Variants in SFI1 observed in about 807,000 individuals in gnomAD.
SFI1 encodes protein SFI1 homolog.
A neutral mutation model predicts 207.5 loss-of-function variants in SFI1; 195 were observed. The ratio of observed to expected loss-of-function variants is 0.94; its 90% confidence interval spans 0.84 to 1.06. The LOEUF is 1.06. Among genes scored for constraint, SFI1 ranks in the 50% least tolerant of loss-of-function variants. SFI1 has a pLI of 0.00. For synonymous variants in SFI1, 630 were observed against 598.9 expected (o/e 1.05, Z -0.76); for missense variants, 1,634 against 1,588.0 (o/e 1.03, Z -0.49).
intron 3 of SFI1, among the ~76,000 whole-genome samples, chr22:31,529,947 G>C (rs1335615747): frequency 6.6e-6 from 1 of 151,754 alleles, no homozygotes; most frequent in East Asian, 1.9e-4. Flanking sequence ...GAGGCGGGTG[G>C]ATCACGAGGT....
chr22:31,506,148 A>G (rs1243577703), intron 1 of SFI1, among the ~76,000 whole-genome samples: 1 of 149,404 alleles, frequency 6.7e-6, no homozygotes, highest in African/African-American at 2.5e-5. Flanking sequence ...CACGGGTTCA[A>G]GTGATTCTTC....
intron 12 of SFI1, among the ~76,000 whole-genome samples, chr22:31,581,483 T>C (rs986581399): frequency 1.3e-5 from 2 of 151,272 alleles, no homozygotes; most frequent in Non-Finnish European, 2.9e-5. Context: ...TAGAGACGGG[T>C]TTTTCCCCAT....
chr22:31,580,096 A>T (rs544582731), intron 11 of SFI1, 176 bp from the exon 12 acceptor site: 110 of 570,854 alleles, frequency 1.9e-4, no homozygotes, highest in African/African-American at 1.9e-3. Context: ...GGCTTGTGTT[A>T]GGCTCCCAGT....
rs745385996 is a variant in SFI1, at chr22:31,611,140, T to C, written c.2255-3T>C. On this transcript the variant is annotated splice_polypyrimidine_tract_variant and splice_region_variant and intron_variant, in intron 22 of 32. Coordinates refer to ENST00000400288, the MANE Select transcript of SFI1 (RefSeq NM_001007467.3). ...AGCAAACTCTGACTTGGATCTGCCT[T>C]AGGCTGTCTGCGGACCTGGTTTCAG... 5 of 1,614,188 alleles carry C rather than the reference T, an allele frequency of 3.1e-6. No individual in the cohort carries two copies. The South Asian group carries it at 4.4e-5, about 14-fold the overall frequency.
chr22:31,616,537 GACTTTC>G, intron 29 of SFI1: 1 of 476,682 alleles, frequency 2.1e-6, no homozygotes, highest in African/African-American at 2.0e-5. Flanking sequence ...TTGCTTGCGG[GACTTTC>G]CCCTACAGTA....
intron 15 of SFI1, among the ~76,000 whole-genome samples, chr22:31,593,298 C>A (rs1348342394): frequency 7.2e-6 from 1 of 139,198 alleles, no homozygotes; most frequent in South Asian, 2.4e-4. Flanking sequence ...CGGGCAGAGA[C>A]GCTCCTCACC....
At chr22:31,587,352 A>C (rs1178163539) in intron 14 of SFI1, 5 of 376,418 alleles carry the variant, frequency 1.3e-5, no homozygotes, top group South Asian at 1.0e-4. Flanking sequence ...CCCAGGCTGG[A>C]GTACAGTGGC....
chr22:31,604,309 T>C lies in SFI1; in HGVS notation c.1882T>C (p.Cys628Arg), dbSNP rs1300519430. 3.2e-6 allele frequency: 5 copies of C among 1,570,674 alleles called. No individual in the cohort carries two copies. Among genetic ancestry groups the C allele is most frequent in the Non-Finnish European group, 4.3e-6 (5 of 1,159,716 alleles). ...LRWAWSQWRE[C>R]LALRGAERQK... ...TAGCTGCTTTCTCCTCTGTCTGCAG[T>C]GCCTGGCCCTGCGGGGAGCGGAGCG... The change falls in exon 19 of 33, where the codon TGC (cysteine) becomes CGC (arginine). Residue 628 changes from cysteine (C) to arginine (R), a missense_variant and splice_region_variant. Transcript: ENST00000400288.
chr22:31,618,346 G>A lies in SFI1; in HGVS notation c.3657G>A (p.Glu1219=), dbSNP rs2072198968. 1.6e-5 allele frequency: 26 copies of A among 1,609,634 alleles called. No homozygotes were observed. Among genetic ancestry groups the A allele is most frequent in the Non-Finnish European group, 2.1e-5 (25 of 1,177,360 alleles). The change falls in exon 33 of 33, where the codon GAG becomes GAA. Residue 1219 remains glutamate (E), a synonymous_variant. Coordinates refer to ENST00000400288, the MANE Select transcript of SFI1 (RefSeq NM_001007467.3). ...VEMQIQLLAE[E]LQAQRQPIGA... is the part of the protein sequence containing the mutation. ...TGCAGATCCAGCTGCTGGCAGAGGA[G>A]CTCCAGGCTCAGCGCCAGCCCATTG...
At chr22:31,578,086 T>C (rs147057137) in intron 10 of SFI1, 102 of 222,218 alleles carry the variant, frequency 4.6e-4, no homozygotes, top group Non-Finnish European at 4.6e-4. Flanking sequence ...GCTTTAGATA[T>C]GGTGATTTCT....
At position 31,613,123 on chromosome 22, in the gene SFI1, C is replaced by T; in HGVS notation, c.2491-19C>T. 6.2e-7 allele frequency: 1 copy of T among 1,612,040 alleles called. No individual in the cohort carries two copies. ...CTTGAAGGGGCTATAGGGAAATGAT[C>T]TGGTCTTTCTGGCCCTAGCTGGCAG... On this transcript the variant is annotated intron_variant, in intron 24 of 32. Coordinates refer to ENST00000400288, the MANE Select transcript of SFI1 (RefSeq NM_001007467.3).
chr22:31,511,220 C>G (rs918641234), intron 2 of SFI1, among the ~76,000 whole-genome samples: 12 of 151,926 alleles, frequency 7.9e-5, no homozygotes, highest in Non-Finnish European at 1.3e-4. Context: ...TCAGTTTTTT[C>G]CCCCAGTGTA....
At position 31,498,645 on chromosome 22, in the gene SFI1, C is replaced by T. The variant is rs764347603; in HGVS notation, c.-31+2008C>T. ...CAGCCTGGGCGACAGAGCAAGACTC[C>T]GTCTAAAAAAAAAAAAAATCATTAA... On this transcript the variant is annotated intron_variant, in intron 1 of 32. Coordinates refer to ENST00000400288, the MANE Select transcript of SFI1 (RefSeq NM_001007467.3). Among the ~76,000 whole-genome samples the T allele has an allele frequency of 1.4e-3, 129 of 91,550 alleles. 2 individuals carry two copies. The Middle Eastern group carries it at 0.038, about 27-fold the overall frequency. 60.1% of individuals were successfully genotyped at this position (91,550 alleles called of 152,430 possible).
chr22:31,583,777 A>G, intron 12 of SFI1, 98 bp from the exon 13 acceptor site: 1 of 1,048,878 alleles, frequency 9.5e-7, no homozygotes. Context: ...AACTGAGGTC[A>G]TTTCTGCTTT....
At chr22:31,612,022 C>T in intron 24 of SFI1, 182 bp downstream of exon 24, 2 of 1,402,468 alleles carry the variant, frequency 1.4e-6, no homozygotes, top group East Asian at 2.7e-5. Context: ...CTTCCGTCTG[C>T]AGTCTGCATA....
chr22:31,546,717 T>A, intron 4 of SFI1, 144 bp from the exon 5 acceptor site: 6 of 280,286 alleles, frequency 2.1e-5, no homozygotes, highest in Non-Finnish European at 3.3e-5. Context: ...TCCACCCGCC[T>A]CAGCCTCCCA....
chr22:31,604,988 G>A (rs1449432807), intron 20 of SFI1, 43 bp downstream of exon 20: 3 of 1,531,578 alleles, frequency 2.0e-6, no homozygotes, highest in Non-Finnish European at 1.8e-6. Context: ...TGGGGAACAA[G>A]GAATGCACTC....
intron 10 of SFI1, among the ~76,000 whole-genome samples, chr22:31,576,937 A>G (rs897148450): frequency 6.6e-6 from 1 of 152,022 alleles, no homozygotes; most frequent in South Asian, 2.1e-4. Flanking sequence ...GAGCCACCGC[A>G]CCCAGCCATA....
At chr22:31,509,117 A>G (rs1036475132) in intron 2 of SFI1, among the ~76,000 whole-genome samples, 1 of 152,176 alleles carries the variant, frequency 6.6e-6, no homozygotes, top group Non-Finnish European at 1.5e-5. Flanking sequence ...TCAGCCTTGC[A>G]TTCCTGGGAT....
Sources: allele counts gnomAD v4.1 joint callset (sites outside exome capture counted in the v4.1 genomes callset), GRCh38; gene constraint gnomAD v4.1.1; transcripts MANE v1.5; gene names NCBI Gene and HGNC (gene_info 2026-07-23, HGNC 2026-07-21).